JAZF1: variants seen among roughly 807,000 people sequenced by gnomAD.
JAZF1 encodes juxtaposed with another zinc finger protein 1.
JAZF1 carries 8 observed loss-of-function variants against 26.4 expected under a neutral mutation model. The ratio of observed to expected loss-of-function variants is 0.30; its 90% CI spans 0.18 to 0.55. The LOEUF (loss-of-function observed/expected upper bound fraction) is 0.55, where lower values mean the gene tolerates loss of function less well. Ranked by LOEUF, JAZF1 falls within the 20% of genes least tolerant of loss-of-function variation. The pLI, the probability that JAZF1 is intolerant of heterozygous loss-of-function variation, is 0.94. For missense variants in JAZF1, 199 were observed against 322.0 expected (o/e 0.62, Z 2.92); for synonymous variants, 126 against 122.3 (o/e 1.03, Z -0.20).
chr7:27,882,918 C>T (rs115673359), intron 3 of JAZF1, among the ~76,000 whole-genome samples: 1 of 152,188 alleles, frequency 6.6e-6, no homozygotes, highest in African/African-American at 2.4e-5. Context: ...ATCTACATCA[C>T]CTTCACAAGG....
At chr7:28,062,236 T>C (rs1309368538) in intron 1 of JAZF1, among the ~76,000 whole-genome samples, 1 of 152,104 alleles carries the variant, frequency 6.6e-6, no homozygotes, top group Non-Finnish European at 1.5e-5. Context: ...ACTCGAAGCA[T>C]TTCTTCCTTA....
At chr7:28,172,077 G>C (rs913141234) in intron 1 of JAZF1, among the ~76,000 whole-genome samples, 4 of 152,180 alleles carry the variant, frequency 2.6e-5, no homozygotes, top group Non-Finnish European at 4.4e-5. Context: ...CCCAGTATGT[G>C]TATTAATTAA....
intron 3 of JAZF1, among the ~76,000 whole-genome samples, chr7:27,894,498 TAA>T (rs1784025361): frequency 6.6e-6 from 1 of 152,160 alleles, no homozygotes; most frequent in Admixed American, 6.5e-5. Context: ...ATGGTACCCT[TAA>T]AAGGACAGAA....
At chr7:28,135,569 G>A (rs1189942381) in intron 1 of JAZF1, among the ~76,000 whole-genome samples, 1 of 151,938 alleles carries the variant, frequency 6.6e-6, no homozygotes, top group Admixed American at 6.6e-5. Context: ...TCTGATAACC[G>A]CCCCCCACAC....
chr7:27,909,906 C>T (rs1784332342), intron 2 of JAZF1, among the ~76,000 whole-genome samples: 1 of 152,096 alleles, frequency 6.6e-6, no homozygotes, highest in South Asian at 2.1e-4. Flanking sequence ...AAAGGAAAGA[C>T]AGAAGAGAAC....
chr7:27,886,332 C>T (rs1420832281), intron 3 of JAZF1, among the ~76,000 whole-genome samples: 4 of 152,196 alleles, frequency 2.6e-5, no homozygotes, highest in Non-Finnish European at 5.9e-5. Context: ...TTCTGTGCTC[C>T]CAGAGTTCTG....
intron 2 of JAZF1, among the ~76,000 whole-genome samples, chr7:27,929,156 G>A (rs1001980988): frequency 6.6e-6 from 1 of 152,212 alleles, no homozygotes; most frequent in Non-Finnish European, 1.5e-5. Flanking sequence ...CAGTCTTCTA[G>A]GAGCCAGCTC....
intron 1 of JAZF1, among the ~76,000 whole-genome samples, chr7:28,110,264 A>T (rs1457309148): frequency 6.6e-6 from 1 of 151,900 alleles, no homozygotes; most frequent in Non-Finnish European, 1.5e-5. Context: ...CATTTCTGAT[A>T]AAAATACAAA....
At chr7:27,945,415 C>T (rs1427502101) in intron 2 of JAZF1, among the ~76,000 whole-genome samples, 1 of 152,166 alleles carries the variant, frequency 6.6e-6, no homozygotes, top group Non-Finnish European at 1.5e-5. Context: ...TGGTGTGGGC[C>T]AGCAGGGTCC....
At chr7:28,089,700 G>A (rs1298533810) in intron 1 of JAZF1, among the ~76,000 whole-genome samples, 3 of 152,178 alleles carry the variant, frequency 2.0e-5, no homozygotes, top group African/African-American at 7.2e-5. Flanking sequence ...AATAGGGATG[G>A]TCCAATGAAG....
intron 1 of JAZF1, among the ~76,000 whole-genome samples, chr7:28,086,040 C>G (rs1276637886): frequency 2.0e-5 from 3 of 152,178 alleles, no homozygotes; most frequent in Non-Finnish European, 4.4e-5. Context: ...ATCCATATGC[C>G]TAACCCACAC....
intron 1 of JAZF1, among the ~76,000 whole-genome samples, chr7:28,156,955 G>A (rs1225886008): frequency 6.6e-6 from 1 of 152,090 alleles, no homozygotes; most frequent in South Asian, 2.1e-4. Flanking sequence ...GTTTATACCG[G>A]ACTCCATACT....
At chr7:28,160,323 T>A (rs2127951435) in intron 1 of JAZF1, among the ~76,000 whole-genome samples, 1 of 152,300 alleles carries the variant, frequency 6.6e-6, no homozygotes, top group East Asian at 1.9e-4. Context: ...CCTCACCCTG[T>A]TCTACCTTTC....
intron 1 of JAZF1, among the ~76,000 whole-genome samples, chr7:28,010,378 T>A (rs1782780380): frequency 6.6e-6 from 1 of 152,180 alleles, no homozygotes; most frequent in Non-Finnish European, 1.5e-5. Context: ...CAGCATCACC[T>A]CCCCTTCCCC....
intron 2 of JAZF1, among the ~76,000 whole-genome samples, chr7:27,902,064 G>A (rs1251402710): frequency 6.6e-6 from 1 of 152,150 alleles, no homozygotes; most frequent in African/African-American, 2.4e-5. Context: ...AAACATCATT[G>A]GAAGGCAAAC....
chr7:27,842,817 TAGAA>T (rs1055009456), intron 3 of JAZF1: 1 of 152,150 alleles, frequency 6.6e-6, no homozygotes, highest in Non-Finnish European at 1.5e-5. Context: ...TTCAGAAAGT[TAGAA>T]AGACTAATTT....
intron 3 of JAZF1, among the ~76,000 whole-genome samples, chr7:27,894,884 C>T (rs192184450): frequency 1.5e-4 from 23 of 152,020 alleles, no homozygotes; most frequent in Admixed American, 1.1e-3. Context: ...CAAGAGAAAA[C>T]GTTCATAATA....
At chr7:28,172,709 C>T (rs2127954931) in intron 1 of JAZF1, among the ~76,000 whole-genome samples, 1 of 152,258 alleles carries the variant, frequency 6.6e-6, no homozygotes, top group Middle Eastern at 3.4e-3. Context: ...TGTCATGGTA[C>T]CCGTTAACAC....
At chr7:27,847,210 G>A (rs111791706) in intron 3 of JAZF1, among the ~76,000 whole-genome samples, 1 of 147,372 alleles carries the variant, frequency 6.8e-6, no homozygotes, top group Non-Finnish European at 1.5e-5. Context: ...GGCTGGTCTC[G>A]AACTCCCGAC....
Sources: allele counts gnomAD v4.1 joint callset (sites outside exome capture counted in the v4.1 genomes callset), GRCh38; gene constraint gnomAD v4.1.1; transcripts MANE v1.5; gene names NCBI Gene and HGNC (gene_info 2026-07-23, HGNC 2026-07-21).